Variants in MYO6 observed in about 807,000 individuals in gnomAD.
MYO6 encodes unconventional myosin-VI.
A neutral mutation model predicts 178.7 loss-of-function variants in MYO6; 74 were observed. The observed-to-expected ratio is 0.41, with a 90% confidence interval of 0.34 to 0.50. The LOEUF is 0.50. MYO6 is among the 20% of genes least tolerant of loss of function. The pLI, the probability that MYO6 is intolerant of heterozygous loss-of-function variation, is 0.09. For missense variants in MYO6, 1,330 were observed against 1,547.4 expected (o/e 0.86, Z 2.36); for synonymous variants, 477 against 504.6 (o/e 0.95, Z 0.73).
At chr6:75,777,699 A>G (rs796862771) in intron 1 of MYO6, among the ~76,000 whole-genome samples, 7 of 152,198 alleles carry the variant, frequency 4.6e-5, no homozygotes, top group African/African-American at 1.7e-4. Context: ...GGCCTCCCAA[A>G]GTGCTAGAAT....
chr6:75,862,442 G>A (rs140407634), intron 15 of MYO6, among the ~76,000 whole-genome samples, 154 bp from the exon 16 acceptor site: 53 of 152,162 alleles, frequency 3.5e-4, no homozygotes, highest in African/African-American at 1.0e-3. Context: ...ATAAAAATCC[G>A]TCAGCTCTCT....
chr6:75,898,543 G>A (rs1581947347), intron 30 of MYO6, 132 bp downstream of exon 30: 2 of 771,022 alleles, frequency 2.6e-6, no homozygotes, highest in East Asian at 2.7e-5. Flanking sequence ...ATTTCTTTCT[G>A]TACAAGAAAT....
intron 1 of MYO6, among the ~76,000 whole-genome samples, chr6:75,781,837 G>GA (rs572331249): frequency 9.0e-4 from 127 of 141,782 alleles, no homozygotes; most frequent in African/African-American, 3.3e-3. Flanking sequence ...AGAATCACTT[G>GA]AACCTGGGAG....
At chr6:75,802,479 ATTTTTTTTTTTTTTTTTTT>A (rs1769579556) in intron 1 of MYO6, among the ~76,000 whole-genome samples, 2 of 116,524 alleles carry the variant, frequency 1.7e-5, no homozygotes, top group African/African-American at 6.4e-5. Context: ...AAAAAAAAAA[ATTTTTTTTTTTTTTTTTTT>A]AATGAGACTG....
chr6:75,848,543 ATTTT>A lies in MYO6; in HGVS notation c.1078+16_1078+19del, dbSNP rs144408691. ...TGGCAGCACTTCAGGTTTGCTTTTT[ATTTT>A]TTTAAGAGGAAAAAAATTAAATAGA... On this transcript the variant is annotated intron_variant, in intron 11 of 34. Transcript: ENST00000369977. 5.6e-6 allele frequency: 9 copies of A among 1,609,832 alleles called. 1 individual carries two copies. In the South Asian group the frequency reaches 1.0e-4, roughly 18 times the overall value.
At position 75,867,079 on chromosome 6, in the gene MYO6, T is replaced by C; in HGVS notation, c.1918T>C (p.Phe640Leu). ...TAAACAAAAAGCAGGAAAACTTAGC[T>C]TCATCAGCGTGGGAAACAAGTTTAA... Reference protein sequence around the residue: ...DTKQKAGKLSFISVGNKFKTQ... With the variant: ...DTKQKAGKLSLISVGNKFKTQ... Residue 640 changes from phenylalanine to leucine, a missense_variant, in exon 18 of 35, where the codon TTC becomes CTC. Physicochemically the swap from Phe to Leu is conservative, Grantham distance 22. Coordinates refer to ENST00000369977, the MANE Select transcript of MYO6 (RefSeq NM_004999.4). 2 of 1,613,702 alleles carry C rather than the reference T, an allele frequency of 1.2e-6. No individual in the cohort carries two copies. Among genetic ancestry groups the C allele is most frequent in the East Asian group, 2.2e-5 (1 of 44,842 alleles).
At chr6:75,785,522 A>G (rs1198046692) in intron 1 of MYO6, among the ~76,000 whole-genome samples, 2 of 146,204 alleles carry the variant, frequency 1.4e-5, no homozygotes, top group Non-Finnish European at 3.0e-5. Flanking sequence ...TCCACACCAG[A>G]CTGCAGTGGC....
In MYO6 at chr6:75,871,880, C is replaced by G. The variant is rs906396093; in HGVS notation, c.1983+1195C>G. Among the ~76,000 whole-genome samples the G allele has an allele frequency of 2.0e-5, 3 of 152,064 alleles. No homozygotes were observed. The South Asian group carries it at 6.2e-4, about 32-fold the overall frequency. Reference sequence around the variant, plus strand: ...TGGCTTATGCTTGTAATCCCCAGCACTTTGGGAAGGCTGAGGCAGGTGGAT... The same window carrying G: ...TGGCTTATGCTTGTAATCCCCAGCAGTTTGGGAAGGCTGAGGCAGGTGGAT... On this transcript the variant is annotated intron_variant, in intron 19 of 34. Transcript: ENST00000369977.
At chr6:75,893,687 C>T (rs1475867650) in intron 28 of MYO6, among the ~76,000 whole-genome samples, 1 of 152,104 alleles carries the variant, frequency 6.6e-6, no homozygotes, top group African/African-American at 2.4e-5. Context: ...CTTTTGCACC[C>T]ACCAAATAGT....
At chr6:75,799,603 T>C (rs973891995) in intron 1 of MYO6, among the ~76,000 whole-genome samples, 1 of 152,084 alleles carries the variant, frequency 6.6e-6, no homozygotes, top group Admixed American at 6.6e-5. Flanking sequence ...CAAGAAAATA[T>C]TTACTTTCTT....
At chr6:75,794,956 C>G (rs1251094275) in intron 1 of MYO6, among the ~76,000 whole-genome samples, 3 of 152,166 alleles carry the variant, frequency 2.0e-5, no homozygotes, top group Non-Finnish European at 4.4e-5. Flanking sequence ...CTCAGTAGTT[C>G]TAATGGATTC....
intron 30 of MYO6, among the ~76,000 whole-genome samples, chr6:75,900,130 T>C: frequency 6.6e-6 from 1 of 152,068 alleles, no homozygotes; most frequent in South Asian, 2.1e-4. Context: ...TAATCCAATC[T>C]ATCATTGTTG....
In MYO6 at chr6:75,845,117, A is replaced by C; in HGVS notation, c.897+140A>C. The C allele has an allele frequency of 1.1e-5, 8 of 697,806 alleles. 1 individual carries two copies. The highest frequency in any genetic ancestry group is 2.0e-5 in the Non-Finnish European group (8 of 400,778). The allele number at this position is 697,806 out of a possible 1,614,324, so 43.2% of individuals were successfully genotyped here. A position where few individuals can be genotyped will look rare whatever the true frequency, so the allele number is the denominator to read the frequency against. ...CTTTAAAAAATTAAATATTCATCTA[A>C]GTCTCTGTCACAGTGTAATACTTTA... On this transcript the variant is annotated intron_variant, in intron 10 of 34. Coordinates refer to ENST00000369977, the MANE Select transcript of MYO6 (RefSeq NM_004999.4).
At chr6:75,886,764 G>A in intron 24 of MYO6, 80 bp from the exon 25 acceptor site, 1 of 1,355,912 alleles carries the variant, frequency 7.4e-7, no homozygotes, top group Non-Finnish European at 1.1e-6. Flanking sequence ...GAAATACCCT[G>A]TTTAGCATTT....
intron 1 of MYO6, among the ~76,000 whole-genome samples, chr6:75,793,059 TG>T (rs1464752033): frequency 6.6e-6 from 1 of 152,154 alleles, no homozygotes; most frequent in African/African-American, 2.4e-5. Context: ...CCCAAAGTGT[TG>T]GGATTATATG....
intron 1 of MYO6, among the ~76,000 whole-genome samples, chr6:75,783,081 A>AT (rs1324564157): frequency 2.6e-5 from 4 of 151,676 alleles, no homozygotes; most frequent in African/African-American, 7.3e-5. Context: ...TGCCCAGCTA[A>AT]TTTTTAATTT....
chr6:75,908,491 A>C lies in MYO6; in HGVS notation c.3281-5A>C, dbSNP rs757195073. The C allele has an allele frequency of 6.2e-6, 10 of 1,613,240 alleles. No individual in the cohort carries two copies. Among genetic ancestry groups the C allele is most frequent in the Non-Finnish European group, 8.5e-6 (10 of 1,179,470 alleles). ...TTTTTTTTTTTTGCTCAATGTAATC[A>C]ATAGATATTGAGCTCCTGGCAGCTT... On this transcript the variant is annotated splice_polypyrimidine_tract_variant and splice_region_variant and intron_variant, in intron 31 of 34. Transcript: ENST00000369977.
chr6:75,769,914 AAG>A (rs1554192614), intron 1 of MYO6, among the ~76,000 whole-genome samples: 1 of 152,062 alleles, frequency 6.6e-6, no homozygotes, highest in Admixed American at 6.6e-5. Context: ...GAAAAAAAAA[AAG>A]AATAGAGTTG....
chr6:75,780,047 T>A (rs1341082772), intron 1 of MYO6, among the ~76,000 whole-genome samples: 1 of 152,204 alleles, frequency 6.6e-6, no homozygotes, highest in Non-Finnish European at 1.5e-5. Context: ...TGGACCTCTT[T>A]GAAATCTACT....
Sources: gnomAD v4.1 joint callset for allele counts (sites outside exome capture counted in the v4.1 genomes callset) on GRCh38, gnomAD v4.1.1 for gene constraint, MANE v1.5 for transcripts, NCBI Gene and HGNC (gene_info 2026-07-23, HGNC 2026-07-21) for gene names.